ZNF860: variants seen among roughly 807,000 people sequenced by gnomAD.
ZNF860 encodes the protein zinc finger protein 860.
For missense variants in ZNF860, 641 were observed against 759.2 expected (o/e 0.84, Z 1.83); for synonymous variants, 206 against 248.9 (o/e 0.83, Z 1.62).
chr3:31,993,472 T>G (rs913533261), downstream of ZNF860, among the ~76,000 whole-genome samples: 5 of 152,026 alleles, frequency 3.3e-5, no homozygotes, highest in Non-Finnish European at 7.4e-5. Flanking sequence ...CCTCCCAAAG[T>G]GCTGGGATTA....
At chr3:32,006,030 C>T in the ZNF860 span, among the ~76,000 whole-genome samples, 25 of 150,988 alleles carry the variant, frequency 1.7e-4, no homozygotes, top group South Asian at 1.7e-3. Context: ...CTGCAGCCTC[C>T]GCCTCCCAGG....
At chr3:31,998,600 T>C in the ZNF860 span, among the ~76,000 whole-genome samples, 1 of 152,240 alleles carries the variant, frequency 6.6e-6, no homozygotes, top group African/African-American at 2.4e-5. Flanking sequence ...TGGATCTTTT[T>C]CAAATAATTT....
chr3:31,998,468 A>G, the ZNF860 span, among the ~76,000 whole-genome samples: 1 of 152,178 alleles, frequency 6.6e-6, no homozygotes, highest in African/African-American at 2.4e-5. Context: ...CTTATTTACA[A>G]TTTAGAAAGG....
Position 31,990,905 on chromosome 3 carries a change from G to T in ZNF860, c.1826G>T (p.Arg609Leu), listed in dbSNP as rs4955216. 0.22 allele frequency: 350,719 copies of T among 1,573,916 alleles called. 51,062 individuals are homozygous for T. The highest frequency in any genetic ancestry group is 0.7 in the African/African-American group (51,449 of 73,828). Residue 609 changes from arginine to leucine, a missense_variant, in exon 2 of 2, where the codon CGC becomes CTC. Arg to Leu is a moderately radical substitution (Grantham distance 102). Transcript: ENST00000360311. ...CGKAFTSHSH[R>L]IRHQRIHTGQ... is the part of the protein sequence containing the mutation. The stretch of plus-strand genomic sequence containing the variant: ...AAAGCCTTTACTTCACATTCACATC[G>T]CATTAGACATCAGAGAATCCATACC...
chr3:31,983,190 C>G (rs1439113377), intron 1 of ZNF860, among the ~76,000 whole-genome samples: 1 of 152,164 alleles, frequency 6.6e-6, no homozygotes, highest in East Asian at 1.9e-4. Flanking sequence ...ACTTACTGAT[C>G]ATATATGAGT....
At chr3:31,992,230 G>T (rs72854150), downstream of ZNF860, among the ~76,000 whole-genome samples, 19 of 151,810 alleles carry the variant, frequency 1.3e-4, no homozygotes, top group Admixed American at 2.6e-4. Flanking sequence ...AAATAATCTA[G>T]AAATAGTTTC....
At chr3:31,997,247 G>A in the ZNF860 span, among the ~76,000 whole-genome samples, 1 of 151,850 alleles carries the variant, frequency 6.6e-6, no homozygotes, top group East Asian at 1.9e-4. Flanking sequence ...CTCCCTATGA[G>A]CATTTATGAA....
rs747511742 is a variant in ZNF860 at position 31,989,202 on chromosome 3, G to A, written c.123G>A (p.Leu41=). ...IEFSLEEWKC[L]DPTQRALYRA... Reference sequence around the variant, plus strand: ...TCTCTTTGGAGGAGTGGAAATGCCTGGACCCTACGCAGAGGGCTTTATACA... The same window carrying A: ...TCTCTTTGGAGGAGTGGAAATGCCTAGACCCTACGCAGAGGGCTTTATACA... Residue 41 remains leucine (L), a synonymous_variant, in exon 2 of 2, where the codon CTG becomes CTA. Coordinates refer to ENST00000360311, the MANE Select transcript of ZNF860 (RefSeq NM_001137674.3). 7 of 1,614,146 alleles carry A rather than the reference G, an allele frequency of 4.3e-6. No individual in the cohort carries two copies.
the ZNF860 span, among the ~76,000 whole-genome samples, chr3:32,000,244 C>G: frequency 1.3e-5 from 2 of 152,144 alleles, no homozygotes; most frequent in African/African-American, 4.8e-5. Context: ...GCTGACGTGA[C>G]AGAATGACAT....
chr3:31,982,564 C>T (rs942419898), intron 1 of ZNF860, among the ~76,000 whole-genome samples: 1 of 151,954 alleles, frequency 6.6e-6, no homozygotes, highest in African/African-American at 2.4e-5. Context: ...TGGTTTAGCT[C>T]TAGAGATGCA....
the ZNF860 span, among the ~76,000 whole-genome samples, chr3:32,003,387 G>T: frequency 2.0e-5 from 3 of 152,200 alleles, no homozygotes; most frequent in African/African-American, 7.2e-5. Context: ...AAGGCACCTG[G>T]TTTGCAAAGC....
chr3:31,989,751 CA>C lies in ZNF860; in HGVS notation c.673del (p.Ile225Ter). 1 of 1,614,152 alleles carries C rather than the reference CA, an allele frequency of 6.2e-7. No individual in the cohort carries two copies. The highest frequency in any genetic ancestry group is 2.2e-5 in the East Asian group (1 of 44,864). On this transcript the variant is annotated frameshift_variant, in exon 2 of 2. Transcript: ENST00000360311. LOFTEE classifies it low-confidence loss of function (END_TRUNC). ...TACTCACACTAAAACAGGAAGTACACATAAGAGAAAAATCTTTCCAATGTAA... is the reference window on the plus strand; with the variant it reads ...TACTCACACTAAAACAGGAAGTACACTAAGAGAAAAATCTTTCCAATGTAA... ...SLLTLKQEVH[I>X]REKSFQCNES...
chr3:32,002,196 C>G, the ZNF860 span, among the ~76,000 whole-genome samples: 3 of 152,142 alleles, frequency 2.0e-5, no homozygotes, highest in Non-Finnish European at 4.4e-5. Flanking sequence ...GAAATTGCTT[C>G]TCTCTTTTAT....
the ZNF860 span, among the ~76,000 whole-genome samples, chr3:32,004,281 T>C: frequency 2.6e-5 from 4 of 152,028 alleles, no homozygotes; most frequent in African/African-American, 9.7e-5. Context: ...CTGAGGGCAG[T>C]GTGGACCTGG....
intron 1 of ZNF860, among the ~76,000 whole-genome samples, chr3:31,984,019 A>C (rs993591499): frequency 1.3e-5 from 2 of 148,814 alleles, no homozygotes; most frequent in Non-Finnish European, 3.0e-5. Flanking sequence ...TCAGAGCCTA[A>C]GGGGTTTTTT....
chr3:31,985,020 C>T (rs1559542737), intron 1 of ZNF860, among the ~76,000 whole-genome samples: 1 of 152,190 alleles, frequency 6.6e-6, no homozygotes, highest in Admixed American at 6.5e-5. Context: ...GGGCGGGTCA[C>T]GTGAGGTCAG....
the ZNF860 span, among the ~76,000 whole-genome samples, chr3:32,004,890 G>C: frequency 6.6e-6 from 1 of 152,126 alleles, no homozygotes; most frequent in Non-Finnish European, 1.5e-5. Flanking sequence ...GGTGCTTATT[G>C]TCATCAGCCT....
the ZNF860 span, among the ~76,000 whole-genome samples, chr3:32,005,775 G>C: frequency 6.6e-6 from 1 of 151,840 alleles, no homozygotes; most frequent in African/African-American, 2.4e-5. Flanking sequence ...TTTTAGTAGA[G>C]ATGGGGTTTC....
the ZNF860 span, among the ~76,000 whole-genome samples, chr3:31,999,109 G>A: frequency 1.3e-5 from 2 of 152,290 alleles, no homozygotes; most frequent in African/African-American, 4.8e-5. Context: ...CATCTCTGCT[G>A]TTAGCTTGAT....
Sources: allele counts gnomAD v4.1 joint callset (sites outside exome capture counted in the v4.1 genomes callset), GRCh38; gene constraint gnomAD v4.1.1; transcripts MANE v1.5; gene names NCBI Gene and HGNC (gene_info 2026-07-23, HGNC 2026-07-21).